The following DGKB variants were observed in gnomAD, a reference collection of about 807,000 sequenced individuals.
DGKB encodes 90 kDa diacylglycerol kinase.
Under a neutral mutation model 114.3 loss-of-function variants are expected in DGKB, and 67 were observed. That is an observed-to-expected ratio of 0.59 (90% CI 0.48 to 0.72). The LOEUF (loss-of-function observed/expected upper bound fraction) is 0.72, where lower values mean the gene tolerates loss of function less well. DGKB is among the 30% of genes least tolerant of loss of function. The pLI, the probability that DGKB is intolerant of heterozygous loss-of-function variation, is 0.00. For missense variants in DGKB, 907 were observed against 975.2 expected, an observed-to-expected ratio of 0.93 and a Z score of 0.93; for synonymous variants, 398 against 323.1, an observed-to-expected ratio of 1.23 and a Z score of -2.49.
At chr7:14,574,111 A>G (rs1798771697) in intron 20 of DGKB, 101 bp downstream of exon 20, 1 of 926,400 alleles carries the variant, frequency 1.1e-6, no homozygotes, top group Non-Finnish European at 1.6e-6. Context: ...ACAAAAGGTA[A>G]AATAAGTTAT....
In DGKB at chr7:14,920,511, G is replaced by A. The variant is rs546908944; in HGVS notation, c.-188+54185C>T. 5.9e-5 allele frequency among the ~76,000 whole-genome samples: 9 copies of A among 152,284 alleles called. No individual in the cohort carries two copies. The East Asian group carries it at 1.4e-3, about 23-fold the overall frequency. On this transcript the variant is annotated intron_variant, in intron 1 of 4. Coordinates refer to the DGKB transcript ENST00000437998. ...TTCTCCAATACGCAATGCTGGTGAG[G>A]AAGTAGAACAACCAGAACTTCATTC...
At chr7:14,578,630 CT>C (rs1799506487) in intron 19 of DGKB, among the ~76,000 whole-genome samples, 2 of 152,190 alleles carry the variant, frequency 1.3e-5, no homozygotes, top group Admixed American at 1.3e-4. Context: ...AGTTTGGCTA[CT>C]TGCCTGATTT....
chr7:14,683,382 G>A (rs544393577), intron 10 of DGKB, among the ~76,000 whole-genome samples: 1 of 152,240 alleles, frequency 6.6e-6, no homozygotes, highest in African/African-American at 2.4e-5. Context: ...TGCCATCATG[G>A]CATCGTTTGT....
chr7:14,540,052 C>T (rs73682440), intron 20 of DGKB, among the ~76,000 whole-genome samples: 3,220 of 151,924 alleles, frequency 0.021, 106 homozygotes, highest in African/African-American at 0.074. Flanking sequence ...TTTAATATTT[C>T]ACTTAAGTAA....
At chr7:14,878,316 G>T (rs941164418) in intron 1 of DGKB, among the ~76,000 whole-genome samples, 1 of 152,140 alleles carries the variant, frequency 6.6e-6, no homozygotes, top group Admixed American at 6.6e-5. Flanking sequence ...TTTTGCAATT[G>T]TTCTAATGTC....
intron 20 of DGKB, among the ~76,000 whole-genome samples, chr7:14,542,915 G>A (rs1183308555): frequency 2.0e-5 from 3 of 152,144 alleles, no homozygotes; most frequent in African/African-American, 7.2e-5. Context: ...TGACTTTGCT[G>A]TGATGATTTT....
chr7:14,247,304 G>T (rs949129170), intron 23 of DGKB, among the ~76,000 whole-genome samples: 1 of 152,056 alleles, frequency 6.6e-6, no homozygotes, highest in Admixed American at 6.6e-5. Context: ...TGAATAATGC[G>T]GCAATGAACA....
At position 14,146,058 on chromosome 7, in the gene DGKB, C is replaced by T. The variant is rs941094956; in HGVS notation, c.*3073G>A. 1 of 152,224 alleles carries T rather than the reference C, an allele frequency of 6.6e-6. No homozygotes were observed. The highest frequency in any genetic ancestry group is 2.4e-5 in the African/African-American group (1 of 41,468). The allele number at this position is 152,224 out of a possible 1,614,324, so 9.4% of individuals were successfully genotyped here. A position where few individuals can be genotyped will look rare whatever the true frequency, so the allele number is the denominator to read the frequency against. On this transcript the variant is annotated 3_prime_UTR_variant, in exon 26 of 26. Coordinates refer to ENST00000402815, the MANE Select transcript of DGKB (RefSeq NM_001350709.2). ...TTTTGTTTTATTCTGGCTATGATCA[C>T]ATGAACCTGTTTTAAATAAAATAAA...
intron 23 of DGKB, among the ~76,000 whole-genome samples, chr7:14,328,889 G>A (rs948787835): frequency 6.6e-6 from 1 of 151,846 alleles, no homozygotes; most frequent in Admixed American, 6.6e-5. Flanking sequence ...AAACCTTGCC[G>A]AAAGCAGACA....
chr7:14,372,027 T>C (rs555293097), intron 21 of DGKB, among the ~76,000 whole-genome samples: 1 of 152,190 alleles, frequency 6.6e-6, no homozygotes, highest in African/African-American at 2.4e-5. Context: ...GTCCCAAGTC[T>C]GGGAAAATGT....
chr7:14,691,718 C>A (rs1302980616), intron 9 of DGKB, among the ~76,000 whole-genome samples: 1 of 151,688 alleles, frequency 6.6e-6, no homozygotes, highest in African/African-American at 2.4e-5. Flanking sequence ...AGGGAAATTT[C>A]TTCTTTTAAA....
intron 23 of DGKB, among the ~76,000 whole-genome samples, chr7:14,305,930 T>A (rs555573237): frequency 2.0e-5 from 3 of 152,242 alleles, no homozygotes; most frequent in African/African-American, 7.2e-5. Flanking sequence ...TTGGTTAGCA[T>A]GAGAATAGAA....
At chr7:14,366,191 T>C (rs932563035) in intron 21 of DGKB, among the ~76,000 whole-genome samples, 6 of 152,144 alleles carry the variant, frequency 3.9e-5, no homozygotes, top group African/African-American at 1.2e-4. Context: ...CCAGAGTTTA[T>C]CATGCTAGAT....
intron 2 of DGKB, among the ~76,000 whole-genome samples, chr7:14,802,654 C>T (rs1001338374): frequency 1.3e-5 from 2 of 151,932 alleles, no homozygotes; most frequent in Admixed American, 1.3e-4. Context: ...GAGAATAAAA[C>T]CATGAATAGT....
chr7:14,217,228 T>G (rs1361956827), intron 23 of DGKB, among the ~76,000 whole-genome samples: 7 of 149,926 alleles, frequency 4.7e-5, no homozygotes, highest in Non-Finnish European at 1.0e-4. Context: ...GTGAGAATAA[T>G]TCAGTTTTAT....
chr7:14,211,322 ACTCTCATGTTTTGTGAT>A (rs1562627395), intron 23 of DGKB, among the ~76,000 whole-genome samples: 1,870 of 112,070 alleles, frequency 0.017, 172 homozygotes, highest in East Asian at 0.087. Context: ...TGTGATATTT[ACTCTCATGTTTTGTGAT>A]TTTACTCTCA....
At chr7:14,327,862 G>A (rs1302952506) in intron 23 of DGKB, among the ~76,000 whole-genome samples, 1 of 152,050 alleles carries the variant, frequency 6.6e-6, no homozygotes, top group East Asian at 1.9e-4. Flanking sequence ...TTTCATTTTT[G>A]CTCAATTACT....
chr7:14,208,369 G>T (rs1336366203), intron 23 of DGKB, among the ~76,000 whole-genome samples: 1 of 151,942 alleles, frequency 6.6e-6, no homozygotes, highest in Non-Finnish European at 1.5e-5. Context: ...TTAAAAACTT[G>T]AAGAAAACAA....
At chr7:14,274,971 G>C (rs76260349) in intron 23 of DGKB, among the ~76,000 whole-genome samples, 1 of 141,328 alleles carries the variant, frequency 7.1e-6, no homozygotes, top group South Asian at 2.1e-4. Context: ...GTGTGTGTGT[G>C]TGTTTGTGTG....
Sources: allele counts gnomAD v4.1 joint callset (sites outside exome capture counted in the v4.1 genomes callset), GRCh38; gene constraint gnomAD v4.1.1; transcripts MANE v1.5; gene names NCBI Gene and HGNC (gene_info 2026-07-23, HGNC 2026-07-21).